CHRM2: variants seen among roughly 807,000 people sequenced by gnomAD.
CHRM2 encodes muscarinic acetylcholine receptor M2.
CHRM2 carries 8 observed loss-of-function variants against 25.0 expected under a neutral mutation model. That is an observed-to-expected ratio of 0.32 (90% CI 0.19 to 0.58). CHRM2 has a LOEUF of 0.58. Among genes scored for constraint, CHRM2 ranks in the 20% least tolerant of loss-of-function variants. The pLI, the probability that CHRM2 is intolerant of heterozygous loss-of-function variation, is 0.88. For synonymous variants in CHRM2, 202 were observed against 205.7 expected, an observed-to-expected ratio of 0.98 and a Z score of 0.15; for missense variants, 440 against 567.1, an observed-to-expected ratio of 0.78 and a Z score of 2.28.
chr7:136,941,609 A>G (rs1799777002), intron 2 of CHRM2, among the ~76,000 whole-genome samples: 1 of 152,104 alleles, frequency 6.6e-6, no homozygotes, highest in South Asian at 2.1e-4. Flanking sequence ...GTGTTGCTGT[A>G]TTTTTCTTTG....
chr7:136,872,847 G>C (rs778876112), intron 2 of CHRM2, among the ~76,000 whole-genome samples: 2 of 152,158 alleles, frequency 1.3e-5, no homozygotes, highest in African/African-American at 2.4e-5. Context: ...ATCAATAATC[G>C]TGCTGGATTC....
intron 2 of CHRM2, among the ~76,000 whole-genome samples, chr7:136,878,624 T>C (rs2130490600): frequency 6.6e-6 from 1 of 152,044 alleles, no homozygotes; most frequent in East Asian, 1.9e-4. Flanking sequence ...CTGCTGTTTT[T>C]TGAGTGTTTA....
chr7:136,875,732 T>C (rs35736030), intron 2 of CHRM2, among the ~76,000 whole-genome samples: 13,057 of 152,228 alleles, frequency 0.086, 609 homozygotes, highest in East Asian at 0.11. Flanking sequence ...AGAGCTTCCA[T>C]AGCTCATAGA....
At chr7:136,878,094 A>T (rs1182612144) in intron 2 of CHRM2, among the ~76,000 whole-genome samples, 1 of 152,026 alleles carries the variant, frequency 6.6e-6, no homozygotes, top group Non-Finnish European at 1.5e-5. Flanking sequence ...TGGCACTGTT[A>T]CAAAGGGAAG....
chr7:136,899,671 G>A (rs1797094461), intron 2 of CHRM2: 1 of 152,044 alleles, frequency 6.6e-6, no homozygotes, highest in Non-Finnish European at 1.5e-5. Context: ...CAATGTAGCA[G>A]AAATATACAG....
chr7:136,998,712 G>T (rs1224533927), intron 3 of CHRM2, among the ~76,000 whole-genome samples: 1 of 152,156 alleles, frequency 6.6e-6, no homozygotes, highest in African/African-American at 2.4e-5. Context: ...ACAGATCAAC[G>T]TGAGAAACGG....
chr7:136,930,548 GATATATTA>G (rs1200494610), intron 2 of CHRM2, among the ~76,000 whole-genome samples: 3 of 151,318 alleles, frequency 2.0e-5, no homozygotes, highest in Non-Finnish European at 1.5e-5. Context: ...ATTTTTTGCT[GATATATTA>G]ATTCTGCAGC....
At chr7:136,961,017 T>C (rs1485209479) in intron 2 of CHRM2, among the ~76,000 whole-genome samples, 1 of 151,972 alleles carries the variant, frequency 6.6e-6, no homozygotes, top group African/African-American at 2.4e-5. Flanking sequence ...AACCAGCTAC[T>C]TGGAGGCTGA....
At chr7:136,989,961 T>G (rs1176868793) in intron 2 of CHRM2, among the ~76,000 whole-genome samples, 1 of 152,130 alleles carries the variant, frequency 6.6e-6, no homozygotes. Context: ...CCAGACTCAA[T>G]TTTGCATTTC....
chr7:136,922,819 T>C (rs1187209581), intron 2 of CHRM2, among the ~76,000 whole-genome samples: 30 of 152,328 alleles, frequency 2.0e-4, no homozygotes, highest in Non-Finnish European at 8.8e-5. Context: ...TTTTTTCTTC[T>C]TTCTTTGCAT....
chr7:136,953,420 T>G (rs1163467003), intron 2 of CHRM2, among the ~76,000 whole-genome samples: 1 of 152,182 alleles, frequency 6.6e-6, no homozygotes, highest in East Asian at 1.9e-4. Flanking sequence ...TTCTGGTCTA[T>G]GTTTTCTATG....
intron 2 of CHRM2, among the ~76,000 whole-genome samples, chr7:136,960,533 G>C (rs1229014124): frequency 1.3e-5 from 2 of 152,238 alleles, no homozygotes; most frequent in African/African-American, 4.8e-5. Flanking sequence ...AGAAACCAGA[G>C]GTAAACTGGA....
chr7:136,889,038 A>G (rs1796585942), intron 2 of CHRM2, among the ~76,000 whole-genome samples: 1 of 125,076 alleles, frequency 8.0e-6, no homozygotes, highest in Non-Finnish European at 1.7e-5. Context: ...ACAGAGCGAG[A>G]CTACATCTCA....
At chr7:136,951,323 C>G (rs1436710507) in intron 2 of CHRM2, among the ~76,000 whole-genome samples, 4 of 152,242 alleles carry the variant, frequency 2.6e-5, no homozygotes, top group Admixed American at 2.6e-4. Context: ...CACAGCACCT[C>G]CCAGTCTGGA....
intron 2 of CHRM2, among the ~76,000 whole-genome samples, chr7:136,965,609 G>T (rs1801366842): frequency 6.6e-6 from 1 of 151,988 alleles, no homozygotes; most frequent in Admixed American, 6.6e-5. Flanking sequence ...AAATGACACT[G>T]TAATTAAAAA....
intron 2 of CHRM2, among the ~76,000 whole-genome samples, chr7:136,920,093 C>T (rs1798345720): frequency 6.6e-6 from 1 of 151,618 alleles, no homozygotes; most frequent in Admixed American, 6.6e-5. Flanking sequence ...ACATTTCAAC[C>T]TTATATGGTG....
intron 2 of CHRM2, among the ~76,000 whole-genome samples, chr7:136,893,423 T>C (rs1274044980): frequency 1.3e-5 from 2 of 152,166 alleles, no homozygotes; most frequent in African/African-American, 4.8e-5. Flanking sequence ...AATGACATAG[T>C]CGAGATAAAT....
chr7:136,985,929 ATCT>A (rs1490372466), intron 2 of CHRM2, among the ~76,000 whole-genome samples: 2 of 152,218 alleles, frequency 1.3e-5, no homozygotes, highest in African/African-American at 4.8e-5. Context: ...GGCAAACAAA[ATCT>A]TCTAATAGCT....
At chr7:136,916,469 A>G (rs1798119677) in intron 2 of CHRM2, among the ~76,000 whole-genome samples, 1 of 151,654 alleles carries the variant, frequency 6.6e-6, no homozygotes, top group African/African-American at 2.4e-5. Context: ...TGAGGACCAT[A>G]TTACTTAATT....
Sources: allele counts gnomAD v4.1 joint callset (sites outside exome capture counted in the v4.1 genomes callset), GRCh38; gene constraint gnomAD v4.1.1; transcripts MANE v1.5; gene names NCBI Gene and HGNC (gene_info 2026-07-23, HGNC 2026-07-21).